Variants in MMP26 observed in about 807,000 individuals in gnomAD.
The protein encoded by MMP26 is matrix metalloproteinase-26.
Under a neutral mutation model 31.0 loss-of-function variants are expected in MMP26, and 33 were observed. That is an observed-to-expected ratio of 1.06 (90% CI 0.81 to 1.42). MMP26 has a LOEUF of 1.42. Ranked by LOEUF, MMP26 falls within the 40% of genes most tolerant of loss-of-function variation. The probability of loss-of-function intolerance (pLI) is 0.00; values close to 1 mark genes in which losing one functional copy is unlikely to be tolerated. For synonymous variants in MMP26, 122 were observed against 114.9 expected (o/e 1.06, Z -0.40); for missense variants, 347 against 316.1 (o/e 1.10, Z -0.74).
intron 2 of MMP26, among the ~76,000 whole-genome samples, chr11:4,798,883 C>G (rs1047257705): frequency 5.9e-5 from 9 of 152,290 alleles, no homozygotes; most frequent in Admixed American, 5.2e-4. Flanking sequence ...ACTGATGAAG[C>G]TTTCCCCTTT....
At chr11:4,990,079 A>G (rs1846975022) in intron 4 of MMP26, among the ~76,000 whole-genome samples, 1 of 152,162 alleles carries the variant, frequency 6.6e-6, no homozygotes, top group Admixed American at 6.5e-5. Flanking sequence ...CATAACCACT[A>G]TCCTTTCCCT....
rs74758025 is a variant in MMP26 at position 4,844,711 on chromosome 11, A to C, written c.-145+77370A>C. 4.7e-3 allele frequency among the ~76,000 whole-genome samples: 711 copies of C among 152,218 alleles called. 5 individuals are homozygous for C. Among genetic ancestry groups the C allele is most frequent in the African/African-American group, 0.016 (646 of 41,538 alleles). ...GAAAAAGCATGTGACAAAATTCAAC[A>C]CCCCTTCATAATAAAATCCCTTAAA... On this transcript the variant is annotated intron_variant, in intron 2 of 7. Coordinates refer to ENST00000380390, the MANE Select transcript of MMP26 (RefSeq NM_021801.5).
chr11:4,931,421 CAGA>C (rs1238614157), intron 2 of MMP26, among the ~76,000 whole-genome samples: 3 of 151,890 alleles, frequency 2.0e-5, no homozygotes, highest in Non-Finnish European at 2.9e-5. Flanking sequence ...GGAGAGTAAG[CAGA>C]AGAAGAGGAA....
At chr11:4,865,715 C>T (rs1850225220) in intron 2 of MMP26, among the ~76,000 whole-genome samples, 1 of 152,028 alleles carries the variant, frequency 6.6e-6, no homozygotes, top group Non-Finnish European at 1.5e-5. Flanking sequence ...AGCAGTTGTG[C>T]TGCCAGACAA....
chr11:4,769,455 T>C (rs1402570660), intron 2 of MMP26: 2 of 1,611,494 alleles, frequency 1.2e-6, no homozygotes, highest in Non-Finnish European at 1.7e-6. Context: ...ATTAGTACTA[T>C]AGCACGTGTA....
chr11:4,923,561 A>G, intron 2 of MMP26: 1 of 1,614,160 alleles, frequency 6.2e-7, no homozygotes, highest in Non-Finnish European at 8.5e-7. Context: ...CACAAGAGAC[A>G]AGCCAATCAT....
intron 2 of MMP26, among the ~76,000 whole-genome samples, chr11:4,934,196 TA>T (rs1243343794): frequency 6.8e-6 from 1 of 147,240 alleles, no homozygotes; most frequent in East Asian, 2.0e-4. Flanking sequence ...ACCAACAGTG[TA>T]AAAGTGTTCC....
rs1196149047 is a variant in MMP26 at position 4,923,556 on chromosome 11, G to A, written c.-144-64512G>A. 3.7e-6 allele frequency: 6 copies of A among 1,614,030 alleles called. No homozygotes were observed. The African/African-American group carries it at 8.0e-5, about 22-fold the overall frequency. On this transcript the variant is annotated intron_variant, in intron 2 of 7. Transcript: ENST00000380390. ...AGATGTTCACCAAAGCGATGCACAA[G>A]AGACAAGCCAATCATGGGGATGTAG... is the stretch of plus-strand genomic sequence containing the variant.
At chr11:4,771,429 A>G (rs1848718790) in intron 2 of MMP26, among the ~76,000 whole-genome samples, 1 of 152,180 alleles carries the variant, frequency 6.6e-6, no homozygotes, top group Non-Finnish European at 1.5e-5. Flanking sequence ...AAAAGTGTAA[A>G]GTGATGGCTG....
At chr11:4,915,456 T>C in intron 2 of MMP26, 1 of 1,614,100 alleles carries the variant, frequency 6.2e-7, no homozygotes, top group Non-Finnish European at 8.5e-7. Context: ...AGAGCCAGCA[T>C]GGACAGGAAG....
chr11:4,808,597 C>T (rs1274317454), intron 2 of MMP26, among the ~76,000 whole-genome samples: 1 of 152,072 alleles, frequency 6.6e-6, no homozygotes, highest in Non-Finnish European at 1.5e-5. Flanking sequence ...TTTCAGCTAC[C>T]TGTATTCTAT....
chr11:4,804,475 G>C (rs1849236684), intron 2 of MMP26: 2 of 954,172 alleles, frequency 2.1e-6, no homozygotes, highest in South Asian at 2.6e-5. Context: ...AAGGCTTTTG[G>C]ATGGGACTAT....
At chr11:4,965,470 G>A in intron 2 of MMP26, among the ~76,000 whole-genome samples, 1 of 152,164 alleles carries the variant, frequency 6.6e-6, no homozygotes, top group Non-Finnish European at 1.5e-5. Context: ...AGAAGGTTAA[G>A]GAGGCTTAGA....
chr11:4,761,989 GA>G (rs112964880), intron 1 of MMP26, among the ~76,000 whole-genome samples: 5,474 of 147,138 alleles, frequency 0.037, 334 homozygotes, highest in African/African-American at 0.13. Flanking sequence ...CAACTACCAG[GA>G]AAAAAAAAAG....
chr11:4,959,929 CAATCCATA>C (rs1245585764), intron 2 of MMP26, among the ~76,000 whole-genome samples: 1 of 152,028 alleles, frequency 6.6e-6, no homozygotes, highest in African/African-American at 2.4e-5. Context: ...TTTAGACTCA[CAATCCATA>C]AATCAAAACA....
At chr11:4,976,213 G>C (rs1448313045) in intron 2 of MMP26, among the ~76,000 whole-genome samples, 3 of 151,992 alleles carry the variant, frequency 2.0e-5, no homozygotes, top group Non-Finnish European at 2.9e-5. Flanking sequence ...TGAAGTAACA[G>C]ATACAGAATG....
At position 4,772,574 on chromosome 11, in the gene MMP26, G is replaced by T. The variant is rs143661932; in HGVS notation, c.-145+5233G>T. ...TGGCCCTGTTTTGCTAGTAGCTAGG[G>T]TTACCATGAATGAATGATGTTCTCA... On this transcript the variant is annotated intron_variant, in intron 2 of 7. Transcript: ENST00000380390. 3.3e-3 allele frequency among the ~76,000 whole-genome samples: 495 copies of T among 152,220 alleles called. 2 individuals are homozygous for T. The highest frequency in any genetic ancestry group is 6.1e-3 in the Non-Finnish European group (412 of 68,010).
At chr11:4,960,558 T>G (rs1846507497) in intron 2 of MMP26, among the ~76,000 whole-genome samples, 1 of 145,270 alleles carries the variant, frequency 6.9e-6, no homozygotes, top group South Asian at 2.2e-4. Context: ...ACCATAAAAC[T>G]TCCTTTTTCC....
At chr11:4,804,442 A>T (rs778359822) in intron 2 of MMP26, 19 of 1,263,528 alleles carry the variant, frequency 1.5e-5, no homozygotes, top group Non-Finnish European at 2.0e-5. Context: ...ATAACAATCA[A>T]AACAAGTGTT....
Sources: gnomAD v4.1 joint callset for allele counts (sites outside exome capture counted in the v4.1 genomes callset) on GRCh38, gnomAD v4.1.1 for gene constraint, MANE v1.5 for transcripts, NCBI Gene and HGNC (gene_info 2026-07-23, HGNC 2026-07-21) for gene names.